The following RTL4 variants were observed in gnomAD, a reference collection of about 807,000 sequenced individuals.
The protein encoded by RTL4 is retrotransposon Gag like 4.
In RTL4, 4 loss-of-function variants were observed where a neutral mutation model predicts 5.3. The observed-to-expected ratio is 0.75, with a 90% CI of 0.37 to 1.72. The LOEUF (loss-of-function observed/expected upper bound fraction) is 1.72, where lower values mean the gene tolerates loss of function less well. Ranked by LOEUF, RTL4 falls within the 40% of genes most tolerant of loss-of-function variation. The probability of loss-of-function intolerance (pLI) is 0.04; values close to 1 mark genes in which losing one functional copy is unlikely to be tolerated. For synonymous variants in RTL4, 98 were observed against 87.3 expected, an observed-to-expected ratio of 1.12 and a Z score of -0.68; for missense variants, 260 against 227.1, an observed-to-expected ratio of 1.14 and a Z score of -0.93.
chrX:112,388,807 G>A, the RTL4 span, among the ~76,000 whole-genome samples: 7 of 111,469 alleles, frequency 6.3e-5, no homozygotes, highest in Non-Finnish European at 1.1e-4. Flanking sequence ...TGTTAAATTC[G>A]GTTTGCAAGT....
the RTL4 span, among the ~76,000 whole-genome samples, chrX:112,228,585 G>T: frequency 9.0e-6 from 1 of 111,713 alleles, no homozygotes; most frequent in African/African-American, 3.2e-5. Flanking sequence ...TTTCCAGTAT[G>T]CCATACAGTA....
chrX:112,358,580 T>C, the RTL4 span, among the ~76,000 whole-genome samples: 1 of 111,416 alleles, frequency 9.0e-6, no homozygotes, highest in Non-Finnish European at 1.9e-5. Context: ...AGTCAAACAA[T>C]GGCATGACAA....
At chrX:112,349,401 G>A in the RTL4 span, among the ~76,000 whole-genome samples, 1 of 111,265 alleles carries the variant, frequency 9.0e-6, no homozygotes, top group Non-Finnish European at 1.9e-5. Context: ...TAATCAAGAA[G>A]AGGTTTTGGT....
chrX:112,121,537 G>A, the RTL4 span, among the ~76,000 whole-genome samples: 10 of 111,799 alleles, frequency 8.9e-5, no homozygotes, highest in East Asian at 2.5e-3. Flanking sequence ...TGTACATAAA[G>A]TATTTTAGAG....
chrX:112,372,846 T>C, the RTL4 span, among the ~76,000 whole-genome samples: 2 of 111,896 alleles, frequency 1.8e-5, no homozygotes, highest in African/African-American at 6.5e-5. Flanking sequence ...TTTTAGCTTA[T>C]TTCATCTTGC....
the RTL4 span, among the ~76,000 whole-genome samples, chrX:112,169,079 CT>C: frequency 2.8e-5 from 1 of 36,051 alleles, no homozygotes; most frequent in Non-Finnish European, 5.6e-5. Flanking sequence ...TTTTTTCTTT[CT>C]TTCTTTTCTT....
At chrX:112,327,985 C>A in the RTL4 span, among the ~76,000 whole-genome samples, 11 of 106,459 alleles carry the variant, frequency 1.0e-4, no homozygotes, top group African/African-American at 3.8e-4. Context: ...CAGGCCTGCC[C>A]TAAAAGAGCT....
chrX:112,112,400 G>A, the RTL4 span, among the ~76,000 whole-genome samples: 1 of 111,669 alleles, frequency 9.0e-6, no homozygotes, highest in South Asian at 3.8e-4. Context: ...TGGCTATCTT[G>A]CTGTATCCAG....
the RTL4 span, among the ~76,000 whole-genome samples, chrX:112,313,187 T>C: frequency 1.8e-5 from 2 of 111,610 alleles, no homozygotes; most frequent in East Asian, 2.8e-4. Context: ...GGTAGGAGTT[T>C]AGCAATTCAC....
chrX:112,276,251 A>G, the RTL4 span, among the ~76,000 whole-genome samples: 1 of 111,807 alleles, frequency 8.9e-6, no homozygotes, highest in African/African-American at 3.3e-5. Context: ...GAAAGGAAAC[A>G]TGAACAAGAG....
the RTL4 span, among the ~76,000 whole-genome samples, chrX:112,276,932 A>G: frequency 1.8e-5 from 2 of 112,413 alleles, no homozygotes; most frequent in African/African-American, 6.5e-5. Context: ...ATGGAAATGA[A>G]TAAAATGTTC....
the RTL4 span, among the ~76,000 whole-genome samples, chrX:112,231,799 C>T: frequency 3.6e-5 from 4 of 110,891 alleles, no homozygotes; most frequent in Middle Eastern, 4.7e-3. Context: ...AAGTAATTAC[C>T]TTGTTATTGT....
the RTL4 span, among the ~76,000 whole-genome samples, chrX:112,208,939 G>C: frequency 8.9e-6 from 1 of 112,252 alleles, no homozygotes; most frequent in South Asian, 3.7e-4. Context: ...TGGCAAACTG[G>C]GCACTCAGCA....
chrX:112,194,239 A>C, the RTL4 span, among the ~76,000 whole-genome samples: 1 of 111,909 alleles, frequency 8.9e-6, no homozygotes, highest in African/African-American at 3.2e-5. Flanking sequence ...TTATAGACTA[A>C]ATATTTGTGT....
At chrX:112,173,573 G>C in the RTL4 span, among the ~76,000 whole-genome samples, 1 of 111,379 alleles carries the variant, frequency 9.0e-6, no homozygotes, top group African/African-American at 3.3e-5. Flanking sequence ...AAGGGATGCA[G>C]GGTTCTGGTG....
the RTL4 span, among the ~76,000 whole-genome samples, chrX:112,149,648 C>A: frequency 1.8e-5 from 2 of 112,235 alleles, no homozygotes; most frequent in Non-Finnish European, 3.8e-5. Context: ...CTTTGCTCAT[C>A]ATTTCCTGCT....
the RTL4 span, among the ~76,000 whole-genome samples, chrX:112,209,967 G>A: frequency 7.4e-4 from 83 of 111,952 alleles, 3 homozygotes; most frequent in East Asian, 0.016. Context: ...GCTCCAAACA[G>A]TATCCCTATC....
At chrX:112,190,795 T>C in the RTL4 span, among the ~76,000 whole-genome samples, 1 of 112,132 alleles carries the variant, frequency 8.9e-6, no homozygotes, top group African/African-American at 3.2e-5. Flanking sequence ...AATAGCTGTC[T>C]GATGGAAGGA....
chrX:112,324,894 AT>A, the RTL4 span, among the ~76,000 whole-genome samples: 1 of 111,433 alleles, frequency 9.0e-6, no homozygotes, highest in East Asian at 2.8e-4. Context: ...TAAATATTCT[AT>A]TTTTGTTGTT....
Sources: allele counts gnomAD v4.1 joint callset (sites outside exome capture counted in the v4.1 genomes callset), GRCh38; gene constraint gnomAD v4.1.1; transcripts MANE v1.5; gene names NCBI Gene and HGNC (gene_info 2026-07-23, HGNC 2026-07-21).